Variants in VPS13D observed in about 807,000 individuals in gnomAD.
VPS13D encodes the protein intermembrane lipid transfer protein VPS13D.
Under a neutral mutation model 461.9 loss-of-function variants are expected in VPS13D, and 187 were observed. That is an observed-to-expected ratio of 0.40 (90% confidence interval 0.36 to 0.46). The LOEUF (loss-of-function observed/expected upper bound fraction) is 0.46. Among genes scored for constraint, VPS13D ranks in the 20% least tolerant of loss-of-function variants. The pLI is 0.60. For missense variants in VPS13D, 4,711 were observed against 5,364.9 expected (o/e 0.88, Z 3.81); for synonymous variants, 1,951 against 1,986.3 (o/e 0.98, Z 0.47).
chr1:12,405,187 C>T (rs1433669631), intron 63 of VPS13D, among the ~76,000 whole-genome samples: 2 of 152,224 alleles, frequency 1.3e-5, no homozygotes, highest in African/African-American at 4.8e-5. Flanking sequence ...CCGCCACAAC[C>T]CGCTCCAGCC....
At chr1:12,379,378 G>A (rs1020299477) in intron 56 of VPS13D, 110 bp from the exon 57 acceptor site, 7 of 943,396 alleles carry the variant, frequency 7.4e-6, no homozygotes, top group African/African-American at 6.7e-5. Context: ...AGTTTTAAGG[G>A]TGGAGGGCAT....
Position 12,427,743 on chromosome 1 carries a change from T to A in VPS13D, c.12333+10916T>A, listed in dbSNP as rs554267279. Among the ~76,000 whole-genome samples the A allele has an allele frequency of 3.3e-5, 5 of 152,280 alleles. No homozygotes were observed. The East Asian group carries it at 9.7e-4, about 29-fold the overall frequency. ...TGCATGTCCAGGAACCAGTTCCCAATGGATACTGAGGGACAGCTGTACTTC... is the reference window on the plus strand; with the variant it reads ...TGCATGTCCAGGAACCAGTTCCCAAAGGATACTGAGGGACAGCTGTACTTC... On this transcript the variant is annotated intron_variant, in intron 65 of 69. Transcript: ENST00000620676.
chr1:12,349,502 T>C (rs1643750341), intron 46 of VPS13D, 128 bp downstream of exon 46: 2 of 980,748 alleles, frequency 2.0e-6, no homozygotes, highest in East Asian at 5.2e-5. Flanking sequence ...AAAGTTCTTA[T>C]TCCTTGAGTT....
intron 5 of VPS13D, among the ~76,000 whole-genome samples, chr1:12,247,663 C>CTT (rs202058060): frequency 6.8e-6 from 1 of 147,936 alleles, no homozygotes; most frequent in Admixed American, 6.7e-5. Flanking sequence ...ACTTGTGTAT[C>CTT]TTTTTTTTGG....
chr1:12,462,157 A>T (rs1269920503), intron 67 of VPS13D, among the ~76,000 whole-genome samples: 1 of 152,230 alleles, frequency 6.6e-6, no homozygotes, highest in Non-Finnish European at 1.5e-5. Context: ...CAAACATAAA[A>T]AATTATATAA....
At chr1:12,506,829 C>A in intron 68 of VPS13D, 24 bp from the exon 69 acceptor site, 4 of 1,609,692 alleles carry the variant, frequency 2.5e-6, no homozygotes, top group Non-Finnish European at 3.4e-6. Flanking sequence ...GGTGTCACTC[C>A]TGTGTTCCCG....
intron 39 of VPS13D, chr1:12,336,678 C>T (rs1643458848): frequency 1.3e-5 from 2 of 152,212 alleles, no homozygotes; most frequent in African/African-American, 4.8e-5. Flanking sequence ...AGTGGACTTT[C>T]TGTCTGCCTT....
At chr1:12,237,904 C>T (rs1569628365) in intron 2 of VPS13D, among the ~76,000 whole-genome samples, 1 of 152,192 alleles carries the variant, frequency 6.6e-6, no homozygotes, top group East Asian at 1.9e-4. Flanking sequence ...GCCTGTAATT[C>T]CAGCACTTTG....
At chr1:12,456,254 A>G in intron 66 of VPS13D, 124 bp downstream of exon 66, 1 of 1,396,168 alleles carries the variant, frequency 7.2e-7, no homozygotes, top group South Asian at 1.5e-5. Flanking sequence ...TTGTAATCCC[A>G]GCATTTTGGG....
chr1:12,310,917 C>CCCTCCTTCCCTCCCTCTCTCCT, intron 27 of VPS13D, among the ~76,000 whole-genome samples: 3 of 111,766 alleles, frequency 2.7e-5, no homozygotes, highest in African/African-American at 3.0e-5. Context: ...CCTTCCCTCC[C>CCCTCCTTCCCTCCCTCTCTCCT]TCTCTCCCTC....
In VPS13D at chr1:12,262,211, A is replaced by G. The variant is rs576584470; in HGVS notation, c.1594+131A>G. On this transcript the variant is annotated intron_variant, in intron 13 of 69. Transcript: ENST00000620676. ...AAACTGTATTAGCTAATGTGGAACC[A>G]TTGCTCTTAGGGGAAATACTGGGTT... 5 of 995,240 alleles carry G rather than the reference A, an allele frequency of 5.0e-6. No homozygotes were observed. In the African/African-American group the frequency reaches 6.5e-5, roughly 13 times the overall value. 61.7% of individuals were successfully genotyped at this position (995,240 alleles called of 1,614,324 possible). A position where few individuals can be genotyped will look rare whatever the true frequency, so the allele number is the denominator to read the frequency against.
chr1:12,504,232 C>G (rs1333815058), intron 68 of VPS13D, among the ~76,000 whole-genome samples: 2 of 152,152 alleles, frequency 1.3e-5, no homozygotes, highest in African/African-American at 4.8e-5. Flanking sequence ...TGCAGGAAAG[C>G]CTCAGGAGGA....
chr1:12,384,993 T>A (rs1644332297), intron 58 of VPS13D, among the ~76,000 whole-genome samples: 1 of 152,194 alleles, frequency 6.6e-6, no homozygotes, highest in African/African-American at 2.4e-5. Context: ...TATTTTGACT[T>A]GAGCTATAAT....
intron 60 of VPS13D, among the ~76,000 whole-genome samples, chr1:12,395,000 C>T (rs115277268): frequency 0.029 from 4,341 of 152,268 alleles, 96 homozygotes; most frequent in Non-Finnish European, 0.046. Context: ...AGAACTCAAA[C>T]AGTTCTTTTC....
intron 60 of VPS13D, among the ~76,000 whole-genome samples, chr1:12,391,775 CTTATT>C (rs1313975175): frequency 4.6e-5 from 7 of 152,096 alleles, no homozygotes; most frequent in Admixed American, 2.0e-4. Flanking sequence ...AACAAAACAT[CTTATT>C]TTATTTTATT....
rs763060812 is a variant in VPS13D at position 12,276,537 on chromosome 1, C to T, written c.2949C>T (p.Thr983=). 5.0e-6 allele frequency: 8 copies of T among 1,614,144 alleles called. No individual in the cohort carries two copies. Among genetic ancestry groups the T allele is most frequent in the Non-Finnish European group, 6.8e-6 (8 of 1,180,032 alleles). ...TTTCTGTGCTCAAGGTGTTTGGTAC[C>T]AATGCTCACTTTGTGAAGAGGCCTT... ...RYISVLKVFG[T]NAHFVKRPYD... is the part of the protein sequence containing the mutation. The change falls in exon 19 of 70, where the codon ACC becomes ACT. Residue 983 remains threonine, a synonymous_variant. Transcript: ENST00000620676. This position sits in a 1 kb window ranked among gnomAD's most constrained non-coding sequence, Gnocchi z 4.5.
intron 6 of VPS13D, among the ~76,000 whole-genome samples, chr1:12,253,426 T>TA (rs1491231000): frequency 6.6e-5 from 10 of 152,304 alleles, no homozygotes; most frequent in Non-Finnish European, 8.8e-5. Context: ...GCCTGAAACT[T>TA]ATATATCTTT....
Position 12,378,425 on chromosome 1 carries a change from C to T in VPS13D, c.10918-3C>T. On this transcript the variant is annotated splice_region_variant and splice_polypyrimidine_tract_variant and intron_variant, in intron 55 of 69. Transcript: ENST00000620676. ...TCTCTTTTTGCTTGTACCTACTTAA[C>T]AGGAACCAGGAAAGCGTTCTCAGCT... is the stretch of plus-strand genomic sequence containing the variant. 2 of 1,596,192 alleles carry T rather than the reference C, an allele frequency of 1.3e-6. No individual in the cohort carries two copies. The highest frequency in any genetic ancestry group is 1.7e-6 in the Non-Finnish European group (2 of 1,172,508).
intron 68 of VPS13D, among the ~76,000 whole-genome samples, chr1:12,504,486 C>T (rs1161673121): frequency 1.3e-5 from 2 of 152,250 alleles, no homozygotes; most frequent in East Asian, 3.8e-4. Context: ...ACAGCACTGC[C>T]TTCCTCCACT....
Sources: gnomAD v4.1 joint callset for allele counts (sites outside exome capture counted in the v4.1 genomes callset) on GRCh38, gnomAD v4.1.1 for gene constraint, Gnocchi (gnomAD v3.1) non-coding constraint, MANE v1.5 for transcripts, NCBI Gene and HGNC (gene_info 2026-07-23, HGNC 2026-07-21) for gene names.